Variants in SLC22A24 observed in about 807,000 individuals in gnomAD.
The protein encoded by SLC22A24 is solute carrier family 22 member 24, also known as steroid transmembrane transporter SLC22A24.
SLC22A24 carries 53 observed loss-of-function variants against 49.8 expected under a neutral mutation model. That is an observed-to-expected ratio of 1.06 (90% confidence interval 0.85 to 1.34). SLC22A24 has a LOEUF of 1.34. SLC22A24 is among the 40% of genes most tolerant of loss of function. SLC22A24 has a pLI of 0.00. For missense variants in SLC22A24, 786 were observed against 675.9 expected (o/e 1.16, Z -1.81); for synonymous variants, 302 against 256.4 (o/e 1.18, Z -1.70).
intron 1 of SLC22A24, among the ~76,000 whole-genome samples, chr11:63,138,274 G>A (rs1367070700): frequency 6.6e-6 from 1 of 152,120 alleles, no homozygotes; most frequent in Non-Finnish European, 1.5e-5. Context: ...ACCATCCAGA[G>A]GACAGAAATT....
chr11:63,118,120 G>A (rs2087224609), intron 4 of SLC22A24, among the ~76,000 whole-genome samples: 1 of 152,160 alleles, frequency 6.6e-6, no homozygotes, highest in Non-Finnish European at 1.5e-5. Flanking sequence ...GGGTCTTAGG[G>A]GAGCCAGCAG....
chr11:63,139,436 G>C (rs1349617154), intron 1 of SLC22A24, among the ~76,000 whole-genome samples: 1 of 152,146 alleles, frequency 6.6e-6, no homozygotes, highest in Non-Finnish European at 1.5e-5. Flanking sequence ...AAAGAGCTTG[G>C]TGTGTAATAA....
At chr11:63,127,770 A>G (rs961567752) in intron 2 of SLC22A24, among the ~76,000 whole-genome samples, 6 of 152,064 alleles carry the variant, frequency 3.9e-5, no homozygotes, top group Non-Finnish European at 8.8e-5. Flanking sequence ...TTCTGCATAA[A>G]TGTCTTCTTT....
chr11:63,097,960 C>T (rs1323373524), intron 5 of SLC22A24, among the ~76,000 whole-genome samples: 1 of 152,038 alleles, frequency 6.6e-6, no homozygotes, highest in Non-Finnish European at 1.5e-5. Context: ...AGGACAAATA[C>T]CTAATGCATG....
intron 4 of SLC22A24, among the ~76,000 whole-genome samples, chr11:63,106,636 T>C (rs191604287): frequency 1.2e-4 from 19 of 152,348 alleles, no homozygotes; most frequent in African/African-American, 3.4e-4. Flanking sequence ...TGGTGTTAGA[T>C]GGTATCGCAT....
intron 4 of SLC22A24, among the ~76,000 whole-genome samples, chr11:63,105,300 C>A (rs192268865): frequency 2.0e-5 from 3 of 152,042 alleles, no homozygotes; most frequent in African/African-American, 7.3e-5. Flanking sequence ...GGACAGTGGC[C>A]CCCTTCTCAC....
chr11:63,099,371 A>ATTTTTTTTTTTT (rs56708217), intron 5 of SLC22A24, among the ~76,000 whole-genome samples: 697 of 52,340 alleles, frequency 0.013, 87 homozygotes, highest in East Asian at 0.016. Context: ...AATTTTTAAG[A>ATTTTTTTTTTTT]TTTTTTTTTT....
intron 4 of SLC22A24, among the ~76,000 whole-genome samples, chr11:63,107,656 G>T (rs77162320): frequency 0.026 from 3,970 of 152,152 alleles, 147 homozygotes; most frequent in African/African-American, 0.089. Context: ...CACATCCCTT[G>T]TAAGTTGGAT....
chr11:63,118,941 T>G lies in SLC22A24; in HGVS notation c.801A>C (p.Thr267=). 6.4e-7 allele frequency: 1 copy of G among 1,552,018 alleles called. No individual in the cohort carries two copies. The highest frequency in any genetic ancestry group is 8.7e-7 in the Non-Finnish European group (1 of 1,147,052). The part of the protein sequence containing the change: ...DWHILQLTVS[T]PIIVLFLSSW... Reference sequence around the variant, plus strand: ...AGGACAAGAAGAGGACAATTATGGGTGTAGACACAGTCAGTTGCAATATGT... The same window carrying G: ...AGGACAAGAAGAGGACAATTATGGGGGTAGACACAGTCAGTTGCAATATGT... The change falls in exon 4 of 10, where the codon ACA becomes ACC. Residue 267 remains threonine, a synonymous_variant. Transcript: ENST00000612278.
chr11:63,104,241 T>G lies in SLC22A24; in HGVS notation c.888A>C (p.Leu296Phe), dbSNP rs2087107334. The change falls in exon 5 of 10, where the codon TTA becomes TTC. Residue 296 changes from leucine (L) to phenylalanine (F), a missense_variant. Physicochemically the swap from Leu to Phe is conservative, Grantham distance 22. Transcript: ENST00000612278. ...LIINNQLDEG[L>F]KELRRVAHIN... ...TGTGTGCAACTCTTCTAAGCTCCTTTAAGCCCTCATCTAGCTGATTGTTGA... is the reference window on the plus strand; with the variant it reads ...TGTGTGCAACTCTTCTAAGCTCCTTGAAGCCCTCATCTAGCTGATTGTTGA... The G allele has an allele frequency of 1.3e-6, 2 of 1,550,794 alleles. No individual in the cohort carries two copies. The highest frequency in any genetic ancestry group is 2.0e-5 in the Admixed American group (1 of 50,976).
At chr11:63,100,088 A>T (rs2087081604) in intron 5 of SLC22A24, among the ~76,000 whole-genome samples, 1 of 152,198 alleles carries the variant, frequency 6.6e-6, no homozygotes, top group Non-Finnish European at 1.5e-5. Context: ...CAATCAGACA[A>T]GAGACAGATA....
chr11:63,110,331 G>T (rs1370458857), intron 4 of SLC22A24, among the ~76,000 whole-genome samples: 1 of 152,124 alleles, frequency 6.6e-6, no homozygotes, highest in Non-Finnish European at 1.5e-5. Flanking sequence ...GGCAATGCGG[G>T]CTCTTTTTTG....
intron 5 of SLC22A24, among the ~76,000 whole-genome samples, chr11:63,099,723 T>C (rs2087079159): frequency 6.6e-6 from 1 of 152,038 alleles, no homozygotes; most frequent in South Asian, 2.1e-4. Flanking sequence ...AAGACTGTTT[T>C]TCACGGCCAG....
At chr11:63,092,928 T>G (rs1044199515) in intron 6 of SLC22A24, among the ~76,000 whole-genome samples, 3 of 151,952 alleles carry the variant, frequency 2.0e-5, no homozygotes, top group East Asian at 3.9e-4. Flanking sequence ...GGGAGAAAAT[T>G]TTTGCAAGCT....
intron 4 of SLC22A24, among the ~76,000 whole-genome samples, chr11:63,118,305 T>C (rs2087225951): frequency 6.6e-6 from 1 of 152,204 alleles, no homozygotes; most frequent in African/African-American, 2.4e-5. Context: ...ATTCACTTTC[T>C]TACTGGGACT....
chr11:63,109,284 G>A (rs1041968988), intron 4 of SLC22A24, among the ~76,000 whole-genome samples: 60 of 145,774 alleles, frequency 4.1e-4, no homozygotes, highest in African/African-American at 1.1e-3. Context: ...CTTTGCTATC[G>A]TGAATAATGC....
chr11:63,084,176 C>A (rs1222835389), intron 6 of SLC22A24, among the ~76,000 whole-genome samples: 1 of 152,188 alleles, frequency 6.6e-6, no homozygotes, highest in Non-Finnish European at 1.5e-5. Context: ...TGCAAGGGCA[C>A]TGTAGGCAAG....
At chr11:63,124,796 C>T (rs1565336740) in intron 2 of SLC22A24, among the ~76,000 whole-genome samples, 1 of 152,086 alleles carries the variant, frequency 6.6e-6, no homozygotes, top group African/African-American at 2.4e-5. Context: ...AGTTCATGTC[C>T]TTTGTAGGGA....
At chr11:63,121,432 G>T (rs571418899) in intron 2 of SLC22A24, among the ~76,000 whole-genome samples, 1 of 152,084 alleles carries the variant, frequency 6.6e-6, no homozygotes, top group South Asian at 2.1e-4. Context: ...AAAAATTGTT[G>T]GGGGATCACT....
Sources: gnomAD v4.1 joint callset for allele counts (sites outside exome capture counted in the v4.1 genomes callset) on GRCh38, gnomAD v4.1.1 for gene constraint, MANE v1.5 for transcripts, NCBI Gene and HGNC (gene_info 2026-07-23, HGNC 2026-07-21) for gene names.